The following CR1 variants were observed in gnomAD, a reference collection of about 807,000 sequenced individuals.
The protein encoded by CR1 is complement receptor type 1.
CR1 carries 116 observed loss-of-function variants against 187.3 expected under a neutral mutation model. That is an observed-to-expected ratio of 0.62 (90% CI 0.53 to 0.72). The LOEUF (loss-of-function observed/expected upper bound fraction) is 0.72. Among genes scored for constraint, CR1 ranks in the 30% least tolerant of loss-of-function variants. The probability of loss-of-function intolerance (pLI) is 0.00; values close to 1 mark genes in which losing one functional copy is unlikely to be tolerated. For missense variants in CR1, 1,731 were observed against 2,110.7 expected (o/e 0.82, Z 3.52); for synonymous variants, 576 against 747.1 (o/e 0.77, Z 3.73).
chr1:207,574,793 A>G (rs1660687775), intron 27 of CR1, among the ~76,000 whole-genome samples: 1 of 152,228 alleles, frequency 6.6e-6, no homozygotes, highest in Non-Finnish European at 1.5e-5. Flanking sequence ...TGTGTAATAT[A>G]CATGCACATA....
chr1:207,575,202 T>TACACACACACACACAC (rs56173301), intron 27 of CR1, among the ~76,000 whole-genome samples: 1 of 149,332 alleles, frequency 6.7e-6, no homozygotes, highest in South Asian at 2.2e-4. Flanking sequence ...CATAGTATTA[T>TACACACACACACACAC]ACACACACAC....
chr1:207,637,052 G>A (rs1256973305), intron 46 of CR1, among the ~76,000 whole-genome samples: 2 of 152,190 alleles, frequency 1.3e-5, no homozygotes, highest in Non-Finnish European at 2.9e-5. Context: ...CGTTTCTAAA[G>A]TTTGATTTCT....
chr1:207,501,086 C>T (rs1659252491), intron 1 of CR1, among the ~76,000 whole-genome samples: 1 of 152,068 alleles, frequency 6.6e-6, no homozygotes, highest in African/African-American at 2.4e-5. Context: ...TTTAGAAAGT[C>T]AAATCAATCT....
chr1:207,568,382 T>A (rs1660573667), intron 25 of CR1, among the ~76,000 whole-genome samples: 1 of 99,394 alleles, frequency 1.0e-5, no homozygotes, highest in Non-Finnish European at 1.9e-5. Context: ...CCAGGAAACG[T>A]CTTGAGTTCC....
chr1:207,615,187 A>G (rs1304189133), intron 40 of CR1, among the ~76,000 whole-genome samples: 1 of 152,186 alleles, frequency 6.6e-6, no homozygotes, highest in Non-Finnish European at 1.5e-5. Flanking sequence ...GTATTTAATG[A>G]CATAGGGCTT....
chr1:207,592,591 C>G (rs1375070693), intron 35 of CR1, among the ~76,000 whole-genome samples: 3 of 152,084 alleles, frequency 2.0e-5, no homozygotes. Context: ...GAAGCTCTGG[C>G]CAGGGCAATC....
intron 35 of CR1, among the ~76,000 whole-genome samples, chr1:207,589,301 G>A (rs994162307): frequency 2.6e-5 from 4 of 152,126 alleles, no homozygotes; most frequent in African/African-American, 9.7e-5. Context: ...TGCCTCAACT[G>A]AGAAGGGGCT....
At chr1:207,609,748 G>A (rs1661866920) in intron 37 of CR1, 60 bp downstream of exon 37, 1 of 1,458,986 alleles carries the variant, frequency 6.9e-7, no homozygotes, top group Admixed American at 2.7e-5. Flanking sequence ...GATAGGAGTT[G>A]TTGAAATTAA....
intron 41 of CR1, among the ~76,000 whole-genome samples, chr1:207,617,604 TATATATATAGAGAGAGAGAG>T (rs1180535667): frequency 0.05 from 1,084 of 21,890 alleles, 7 homozygotes; most frequent in East Asian, 0.11. Context: ...TATATATATA[TATATATATAGAGAGAGAGAG>T]AGAGAGAGAG....
At chr1:207,499,036 T>C (rs1659186109) in intron 1 of CR1, among the ~76,000 whole-genome samples, 3 of 151,858 alleles carry the variant, frequency 2.0e-5, no homozygotes, top group Non-Finnish European at 4.4e-5. Flanking sequence ...TCATTTTGAG[T>C]GTCAATGATC....
In CR1 at chr1:207,565,887, G is replaced by A. The variant is rs200885342; in HGVS notation, c.3916G>A (p.Glu1306Lys). 1.2e-4 allele frequency: 197 copies of A among 1,610,904 alleles called. 1 individual carries two copies. Among genetic ancestry groups the A allele is most frequent in the Non-Finnish European group, 1.5e-4 (178 of 1,179,760 alleles). Reference sequence around the variant, plus strand: ...TAGTTATTGTGTCTTGGCTGGAATGGAAAGCCTTTGGAATAGCAGTGTTCC... The same window carrying A: ...TAGTTATTGTGTCTTGGCTGGAATGAAAAGCCTTTGGAATAGCAGTGTTCC... Reference protein sequence around the residue: ...SASYCVLAGMESLWNSSVPVC... With the variant: ...SASYCVLAGMKSLWNSSVPVC... The change falls in exon 24 of 47, where the codon GAA becomes AAA. Residue 1306 changes from glutamate to lysine, a missense_variant. By Grantham distance (56) the Glu-to-Lys change is moderately conservative (BLOSUM62 1). This residue lies in a region of CR1 where 1,312 missense variants were observed against 1,379.6 expected (regional missense o/e 0.95). Transcript: ENST00000367049.
chr1:207,628,715 C>T (rs1010573908), intron 45 of CR1, among the ~76,000 whole-genome samples: 2 of 152,224 alleles, frequency 1.3e-5, no homozygotes, highest in African/African-American at 4.8e-5. Context: ...GTATCCAGAA[C>T]TGTACATAGT....
chr1:207,572,556 A>C (rs1048869845), intron 27 of CR1, among the ~76,000 whole-genome samples: 6 of 151,904 alleles, frequency 3.9e-5, no homozygotes, highest in African/African-American at 1.2e-4. Flanking sequence ...TAGTATAAAC[A>C]CAACTTTTAG....
At chr1:207,520,845 G>A (rs1277524743) in intron 4 of CR1, among the ~76,000 whole-genome samples, 1 of 149,152 alleles carries the variant, frequency 6.7e-6, no homozygotes, top group Non-Finnish European at 1.5e-5. Flanking sequence ...TATTGTCCAT[G>A]TTTCCTGGCT....
intron 4 of CR1, 122 bp from the exon 5 acceptor site, chr1:207,523,489 G>C: frequency 2.0e-6 from 3 of 1,491,040 alleles, no homozygotes; most frequent in South Asian, 1.3e-5. Flanking sequence ...ATGTACCTAT[G>C]TGTTAGCAAA....
chr1:207,506,523 A>G (rs1380618907), intron 2 of CR1, among the ~76,000 whole-genome samples, 191 bp from the exon 3 acceptor site: 4 of 152,230 alleles, frequency 2.6e-5, no homozygotes, highest in Admixed American at 6.5e-5. Context: ...ACAGATCTGA[A>G]AGGAAAGTTT....
At chr1:207,576,677 G>A (rs1660756130) in intron 28 of CR1, among the ~76,000 whole-genome samples, 1 of 152,078 alleles carries the variant, frequency 6.6e-6, no homozygotes, top group Non-Finnish European at 1.5e-5. Flanking sequence ...AACTAAACAG[G>A]CACGGTGGCA....
chr1:207,612,887 G>T lies in CR1; in HGVS notation c.6575+846G>T, dbSNP rs186682269. ...CCCATGACCCCAAAGCCCAGAGGAG[G>T]TGTTACAGCACACTAATGGCTCTTA... On this transcript the variant is annotated intron_variant, in intron 39 of 46. Transcript: ENST00000367049. Among the ~76,000 whole-genome samples the T allele has an allele frequency of 3.3e-5, 5 of 152,344 alleles. No homozygotes were observed. The East Asian group carries it at 9.6e-4, about 29-fold the overall frequency.
At chr1:207,517,784 C>G (rs1022261161) in intron 4 of CR1, among the ~76,000 whole-genome samples, 1 of 152,056 alleles carries the variant, frequency 6.6e-6, no homozygotes, top group African/African-American at 2.4e-5. Flanking sequence ...CAGCATAATG[C>G]TGTTTATTAT....
Sources: gnomAD v4.1 joint callset for allele counts (sites outside exome capture counted in the v4.1 genomes callset) on GRCh38, gnomAD v4.1.1 for gene constraint, gnomAD v4.1.1 regional missense constraint, MANE v1.5 for transcripts, NCBI Gene and HGNC (gene_info 2026-07-23, HGNC 2026-07-21) for gene names.